ORC2: variants seen among roughly 807,000 people sequenced by gnomAD.
The protein encoded by ORC2 is origin recognition complex protein 2 homolog.
ORC2 carries 37 observed loss-of-function variants against 77.7 expected under a neutral mutation model. The ratio of observed to expected loss-of-function variants is 0.48; its 90% CI spans 0.37 to 0.63. ORC2 has a LOEUF of 0.63. Among genes scored for constraint, ORC2 ranks in the 20% least tolerant of loss-of-function variants. The pLI, the probability that ORC2 is intolerant of heterozygous loss-of-function variation, is 0.00. For missense variants in ORC2, 557 were observed against 661.9 expected (o/e 0.84, Z 1.74); for synonymous variants, 201 against 229.5 (o/e 0.88, Z 1.12).
intron 13 of ORC2, chr2:200,921,619 C>T (rs2040763609): frequency 6.6e-6 from 1 of 152,024 alleles, no homozygotes. Flanking sequence ...AAGTCAGGCC[C>T]TACAGAAAGC....
Position 200,933,893 on chromosome 2 carries a change from T to C in ORC2, c.790A>G (p.Arg264Gly), listed in dbSNP as rs2040986789. Residue 264 changes from arginine to glycine, a missense_variant, in exon 10 of 18, where the codon AGA becomes GGA. Physicochemically the swap from Arg to Gly is moderately radical, Grantham distance 125. Transcript: ENST00000234296. ...TSDRTLQKLK[R>G]AKLDQQTLRN... ...TAACATACCTGATCCAGTTTAGCTC[T>C]CTTTAGCTTCTGCAGTGTTCTATCA... The C allele has an allele frequency of 6.2e-7, 1 of 1,604,088 alleles. No individual in the cohort carries two copies. Among genetic ancestry groups the C allele is most frequent in the Admixed American group, 1.7e-5 (1 of 58,576 alleles).
At chr2:200,922,442 G>A (rs2040776788) in intron 13 of ORC2, among the ~76,000 whole-genome samples, 1 of 145,326 alleles carries the variant, frequency 6.9e-6, no homozygotes, top group Non-Finnish European at 1.5e-5. Flanking sequence ...GTATGAAACA[G>A]AAAAATAAAA....
chr2:200,947,595 T>C (rs912964393), intron 5 of ORC2, among the ~76,000 whole-genome samples: 2 of 152,226 alleles, frequency 1.3e-5, no homozygotes, highest in Non-Finnish European at 2.9e-5. Context: ...TGTTCCTGAC[T>C]TTTTGGTATT....
At position 200,960,333 on chromosome 2, in the gene ORC2, A is replaced by G. The variant is rs547292762; in HGVS notation, c.-59-893T>C. On this transcript the variant is annotated intron_variant, in intron 1 of 17. Transcript: ENST00000234296. ...AAAAAATTGTGGACTTGGCTGTGAT[A>G]TGAAGGAAAAATTTTAAAAATAAAA... Among the ~76,000 whole-genome samples, 13 of 152,250 alleles carry G rather than the reference A, an allele frequency of 8.5e-5. No homozygotes were observed. In the East Asian group the frequency reaches 2.5e-3, roughly 29 times the overall value.
Position 200,933,951 on chromosome 2 carries a change from A to G in ORC2, c.732T>C (p.Phe244=). 6.2e-7 allele frequency: 1 copy of G among 1,606,760 alleles called. No individual in the cohort carries two copies. Among genetic ancestry groups the G allele is most frequent in the Non-Finnish European group, 8.5e-7 (1 of 1,174,886 alleles). The change falls in exon 10 of 18, where the codon TTT becomes TTC. Residue 244 remains phenylalanine (F), a synonymous_variant. Coordinates refer to ENST00000234296, the MANE Select transcript of ORC2 (RefSeq NM_006190.5). Reference sequence around the variant, plus strand: ...AAACTTTTGAACTGCTGTGAGCTTCAAAATATTCTTCTACTAAGTCACTCT... The same window carrying G: ...AAACTTTTGAACTGCTGTGAGCTTCGAAATATTCTTCTACTAAGTCACTCT... ...DKTSDLVEEY[F]EAHSSSKVLT...
intron 11 of ORC2, among the ~76,000 whole-genome samples, chr2:200,929,121 T>C (rs753038346): frequency 2.0e-4 from 30 of 151,970 alleles, no homozygotes; most frequent in Admixed American, 1.3e-4. Context: ...CCGGCTAACT[T>C]TGTATTTTTA....
At chr2:200,962,872 T>C (rs2041606240) in intron 1 of ORC2, among the ~76,000 whole-genome samples, 1 of 152,220 alleles carries the variant, frequency 6.6e-6, no homozygotes, top group Admixed American at 6.5e-5. Flanking sequence ...CGTCTCAACA[T>C]CTTTTTAATT....
intron 17 of ORC2, 49 bp from the exon 18 acceptor site, chr2:200,911,436 T>C (rs759034845): frequency 2.0e-6 from 2 of 988,162 alleles, no homozygotes; most frequent in Admixed American, 3.8e-5. Flanking sequence ...AAGAGGTATA[T>C]GAACTCTTCT....
chr2:200,913,563 C>T, intron 16 of ORC2, 150 bp from the exon 17 acceptor site: 1 of 1,340,042 alleles, frequency 7.5e-7, no homozygotes, highest in Non-Finnish European at 9.6e-7. Flanking sequence ...AAAGAAGGAA[C>T]AAGTAAGTCA....
chr2:200,912,157 C>T (rs2040560581), intron 17 of ORC2, among the ~76,000 whole-genome samples: 1 of 152,198 alleles, frequency 6.6e-6, no homozygotes, highest in Non-Finnish European at 1.5e-5. Flanking sequence ...GGCCTTATCT[C>T]CTAGCTCTCT....
chr2:200,917,029 C>T lies in ORC2; in HGVS notation c.1467-3037G>A, dbSNP rs550200261. Among the ~76,000 whole-genome samples the T allele has an allele frequency of 2.1e-5, 3 of 141,342 alleles. No homozygotes were observed. In the East Asian group the frequency reaches 6.2e-4, roughly 29 times the overall value. The allele number at this position is 141,342 out of a possible 152,430, so 92.7% of individuals were successfully genotyped here. ...TTTTTTTTTGAGACAGAGTCTCACT[C>T]TGTTGCACAGGCTGGAGTGCAGTGG... On this transcript the variant is annotated intron_variant, in intron 15 of 17. Coordinates refer to ENST00000234296, the MANE Select transcript of ORC2 (RefSeq NM_006190.5).
At chr2:200,961,491 G>A (rs1048728791) in intron 1 of ORC2, among the ~76,000 whole-genome samples, 2 of 152,138 alleles carry the variant, frequency 1.3e-5, no homozygotes, top group Admixed American at 1.3e-4. Flanking sequence ...ATTCATAATA[G>A]GTCTAATTAT....
At position 200,933,757 on chromosome 2, in the gene ORC2, GTTTC is replaced by G. The variant is rs573791370; in HGVS notation, c.807+115_807+118del. 37 of 556,932 alleles carry G rather than the reference GTTTC, an allele frequency of 6.6e-5. 1 individual carries two copies. The South Asian group carries it at 9.2e-4, about 14-fold the overall frequency. 34.5% of individuals were successfully genotyped at this position (556,932 alleles called of 1,614,324 possible). On this transcript the variant is annotated intron_variant, in intron 10 of 17. Transcript: ENST00000234296. ...AGAAGTAATAATCACATTAACTTGT[GTTTC>G]ATTTGATCAGGACAATAATTCTACT...
At chr2:200,939,750 A>G (rs2041114048) in intron 7 of ORC2, among the ~76,000 whole-genome samples, 1 of 152,202 alleles carries the variant, frequency 6.6e-6, no homozygotes, top group Non-Finnish European at 1.5e-5. Context: ...TCTTATTGTG[A>G]TAGGTAGCTT....
At chr2:200,915,005 T>C (rs1314746002) in intron 15 of ORC2, among the ~76,000 whole-genome samples, 3 of 85,276 alleles carry the variant, frequency 3.5e-5, no homozygotes, top group Non-Finnish European at 6.7e-5. Context: ...TCCCACGTCT[T>C]TTTTTTTTTT....
chr2:200,950,670 G>A (rs1195090889), intron 4 of ORC2, among the ~76,000 whole-genome samples: 1 of 152,174 alleles, frequency 6.6e-6, no homozygotes, highest in Non-Finnish European at 1.5e-5. Context: ...ATTAAAAATA[G>A]AAAACAATGC....
chr2:200,920,234 G>T lies in ORC2; in HGVS notation c.1454C>A (p.Thr485Asn), dbSNP rs150650400. The change falls in exon 15 of 18, where the codon ACC becomes AAC. Residue 485 changes from threonine (T) to asparagine (N), a missense_variant. Physicochemically the swap from Thr to Asn is moderately conservative, Grantham distance 65 (BLOSUM62 0). Transcript: ENST00000234296. ...SSLTHVLRSL[T>N]PNARGIFRLL... ...TTTTCATCCTTACCTTGCATTAGGG[G>T]TAAGGCTTCGTAAGACATGAGTAAG... is the stretch of plus-strand genomic sequence containing the variant. 141 of 1,611,858 alleles carry T rather than the reference G, an allele frequency of 8.7e-5. No homozygotes were observed. The African/African-American group carries it at 1.5e-3, about 17-fold the overall frequency.
intron 7 of ORC2, among the ~76,000 whole-genome samples, chr2:200,939,907 C>G (rs1484201348): frequency 1.3e-5 from 2 of 152,118 alleles, no homozygotes; most frequent in Admixed American, 6.5e-5. Context: ...ATAGAACACA[C>G]AAGACATAAG....
chr2:200,957,342 C>T (rs1051176951), intron 4 of ORC2, 59 bp downstream of exon 4: 1 of 1,325,022 alleles, frequency 7.5e-7, no homozygotes, highest in Non-Finnish European at 1.0e-6. Flanking sequence ...TTTTGTGTAT[C>T]CTATAAAGCA....
Sources: allele counts gnomAD v4.1 joint callset (sites outside exome capture counted in the v4.1 genomes callset), GRCh38; gene constraint gnomAD v4.1.1; transcripts MANE v1.5; gene names NCBI Gene and HGNC (gene_info 2026-07-23, HGNC 2026-07-21).